Variants in WWOX observed in about 807,000 individuals in gnomAD.
The protein encoded by WWOX is WW domain containing oxidoreductase, also known as WW domain-containing oxidoreductase.
Under a neutral mutation model 46.2 loss-of-function variants are expected in WWOX, and 69 were observed. The observed-to-expected ratio is 1.49, with a 90% CI of 1.23 to 1.82. The LOEUF is 1.82. Ranked by LOEUF, WWOX falls within the 40% of genes most tolerant of loss-of-function variation. The pLI is 0.00. For synonymous variants in WWOX, 359 were observed against 202.6 expected, an observed-to-expected ratio of 1.77 and a Z score of -6.56; for missense variants, 919 against 542.6, an observed-to-expected ratio of 1.69 and a Z score of -6.89.
At chr16:78,520,286 C>A (rs773284835) in intron 8 of WWOX, among the ~76,000 whole-genome samples, 1 of 152,156 alleles carries the variant, frequency 6.6e-6, no homozygotes, top group Non-Finnish European at 1.5e-5. Context: ...AAACACTCAA[C>A]GCAGTGAATT....
intron 8 of WWOX, among the ~76,000 whole-genome samples, chr16:79,039,982 A>G (rs748327992): frequency 1.3e-5 from 2 of 152,186 alleles, no homozygotes; most frequent in African/African-American, 4.8e-5. Flanking sequence ...TCATGCTGGT[A>G]CATTTCATCA....
At chr16:79,054,286 T>C (rs2048222231) in intron 8 of WWOX, among the ~76,000 whole-genome samples, 1 of 152,178 alleles carries the variant, frequency 6.6e-6, no homozygotes, top group African/African-American at 2.4e-5. Flanking sequence ...TCGCTATTGT[T>C]TTAGTTAGGC....
At chr16:78,659,164 C>T (rs1421724169) in intron 8 of WWOX, among the ~76,000 whole-genome samples, 2 of 151,732 alleles carry the variant, frequency 1.3e-5, no homozygotes, top group Non-Finnish European at 2.9e-5. Flanking sequence ...GGAAGAAATG[C>T]TCTTTAACCC....
intron 8 of WWOX, among the ~76,000 whole-genome samples, chr16:78,856,858 AT>A (rs1333509748): frequency 6.6e-6 from 1 of 152,190 alleles, no homozygotes; most frequent in Non-Finnish European, 1.5e-5. Flanking sequence ...CCATTTTGTC[AT>A]TGTGCCACCA....
intron 8 of WWOX, among the ~76,000 whole-genome samples, chr16:78,636,359 A>G (rs141860497): frequency 9.8e-4 from 149 of 152,272 alleles, no homozygotes; most frequent in South Asian, 2.7e-3. Context: ...GGCCTCTCTG[A>G]TATATTAATA....
At chr16:79,130,524 G>C (rs988056769) in intron 8 of WWOX, among the ~76,000 whole-genome samples, 6 of 152,150 alleles carry the variant, frequency 3.9e-5, no homozygotes, top group African/African-American at 1.4e-4. Flanking sequence ...CAGAGATCAG[G>C]ACTCAAGGAC....
intron 8 of WWOX, among the ~76,000 whole-genome samples, chr16:78,452,475 CTTT>C (rs397945707): frequency 7.9e-6 from 1 of 126,042 alleles, no homozygotes. Context: ...CTCTCTCTCT[CTTT>C]TTTTTTTTTT....
intron 8 of WWOX, among the ~76,000 whole-genome samples, chr16:79,147,061 T>C (rs919590692): frequency 2.6e-5 from 4 of 152,222 alleles, no homozygotes; most frequent in Non-Finnish European, 5.9e-5. Flanking sequence ...ACAGAATCTA[T>C]GGATCTTATT....
chr16:78,928,664 A>G (rs1036624964), intron 8 of WWOX, among the ~76,000 whole-genome samples: 1 of 96,090 alleles, frequency 1.0e-5, no homozygotes, highest in African/African-American at 3.9e-5. Flanking sequence ...GACTTACTGG[A>G]AAAAAAAATA....
At chr16:78,236,859 G>A (rs1202582113) in intron 5 of WWOX, among the ~76,000 whole-genome samples, 5 of 152,032 alleles carry the variant, frequency 3.3e-5, no homozygotes, top group Admixed American at 2.6e-4. Context: ...GGAGGATCAC[G>A]AGGTCAGGAG....
intron 5 of WWOX, among the ~76,000 whole-genome samples, chr16:78,368,726 T>C (rs886735294): frequency 6.6e-6 from 1 of 152,214 alleles, no homozygotes; most frequent in Admixed American, 6.5e-5. Context: ...GGTTGCTCTT[T>C]GCAACACGTG....
At chr16:78,793,936 A>G (rs780548184) in intron 8 of WWOX, among the ~76,000 whole-genome samples, 18 of 152,146 alleles carry the variant, frequency 1.2e-4, no homozygotes, top group Non-Finnish European at 2.2e-4. Flanking sequence ...TTTTTGATAT[A>G]GAAGAGGATG....
intron 5 of WWOX, among the ~76,000 whole-genome samples, chr16:78,310,854 G>C (rs1023133875): frequency 3.9e-5 from 6 of 152,148 alleles, no homozygotes; most frequent in Admixed American, 3.9e-4. Flanking sequence ...ATGAGCCTCT[G>C]TAACGCAGCC....
At chr16:78,847,817 C>T (rs1378319093) in intron 8 of WWOX, among the ~76,000 whole-genome samples, 2 of 151,978 alleles carry the variant, frequency 1.3e-5, no homozygotes, top group African/African-American at 2.4e-5. Context: ...TTTCCCTCAC[C>T]GCATCAACAC....
intron 8 of WWOX, among the ~76,000 whole-genome samples, chr16:78,735,509 T>C (rs970233951): frequency 2.6e-5 from 4 of 152,162 alleles, no homozygotes; most frequent in East Asian, 3.9e-4. Context: ...CGAGGACTTA[T>C]GCCGATGTTA....
chr16:78,115,605 G>A (rs1389915651), intron 4 of WWOX, among the ~76,000 whole-genome samples: 1 of 152,148 alleles, frequency 6.6e-6, no homozygotes, highest in African/African-American at 2.4e-5. Context: ...TTTGGGCACA[G>A]GATCTTATTT....
At chr16:78,450,935 C>G (rs1427669645) in intron 8 of WWOX, among the ~76,000 whole-genome samples, 2 of 152,274 alleles carry the variant, frequency 1.3e-5, no homozygotes, top group South Asian at 2.1e-4. Flanking sequence ...TTTGTCCTTC[C>G]TGTTCCAAGC....
At chr16:79,143,191 C>G (rs775333000) in intron 8 of WWOX, among the ~76,000 whole-genome samples, 21 of 152,182 alleles carry the variant, frequency 1.4e-4, no homozygotes, top group Non-Finnish European at 2.6e-4. Context: ...TTTATAGTTT[C>G]TCTCAAAGAA....
chr16:78,442,234 C>G (rs1253060254), intron 8 of WWOX, among the ~76,000 whole-genome samples: 1 of 152,102 alleles, frequency 6.6e-6, no homozygotes, highest in African/African-American at 2.4e-5. Context: ...AGCTAATTAA[C>G]ACATCGGTCA....
Sources: gnomAD v4.1 joint callset for allele counts (sites outside exome capture counted in the v4.1 genomes callset) on GRCh38, gnomAD v4.1.1 for gene constraint, MANE v1.5 for transcripts, NCBI Gene and HGNC (gene_info 2026-07-23, HGNC 2026-07-21) for gene names.